Variants in CERT1 observed in about 807,000 individuals in gnomAD.
The protein encoded by CERT1 is ceramide transporter 1.
A neutral mutation model predicts 87.9 loss-of-function variants in CERT1; 31 were observed. That is an observed-to-expected ratio of 0.35 (90% CI 0.27 to 0.48). CERT1 has a LOEUF of 0.48. CERT1 is among the 20% of genes least tolerant of loss of function. The pLI, the probability that CERT1 is intolerant of heterozygous loss-of-function variation, is 0.99. For missense variants in CERT1, 487 were observed against 758.0 expected (o/e 0.64, Z 4.20); for synonymous variants, 289 against 250.9 (o/e 1.15, Z -1.44).
At chr5:75,423,601 T>C (rs1447019123) in intron 5 of CERT1, among the ~76,000 whole-genome samples, 1 of 152,040 alleles carries the variant, frequency 6.6e-6, no homozygotes, top group Admixed American at 6.6e-5. Context: ...ATTAACCAGA[T>C]ATGACGGTGT....
At chr5:75,463,616 GGT>G (rs1351313330) in intron 2 of CERT1, among the ~76,000 whole-genome samples, 1 of 152,206 alleles carries the variant, frequency 6.6e-6, no homozygotes, top group Non-Finnish European at 1.5e-5. Context: ...GTTGGAATGT[GGT>G]AAATGACTTA....
intron 2 of CERT1, among the ~76,000 whole-genome samples, chr5:75,471,602 T>C (rs1233101055): frequency 6.6e-6 from 1 of 150,944 alleles, no homozygotes; most frequent in Non-Finnish European, 1.5e-5. Context: ...CTACTGAAAA[T>C]AAAAATATTA....
chr5:75,379,941 T>C (rs1429402220), intron 16 of CERT1, among the ~76,000 whole-genome samples: 3 of 152,146 alleles, frequency 2.0e-5, no homozygotes, highest in Non-Finnish European at 4.4e-5. Flanking sequence ...CCATCAGACA[T>C]AATCAGACAG....
intron 17 of CERT1, chr5:75,370,089 C>T (rs1277763993): frequency 6.6e-6 from 1 of 152,168 alleles, no homozygotes; most frequent in Non-Finnish European, 1.5e-5. Flanking sequence ...TAAAAGTGCC[C>T]TAGAAAATCC....
At chr5:75,498,587 C>T (rs1193155881) in intron 2 of CERT1, among the ~76,000 whole-genome samples, 1 of 152,242 alleles carries the variant, frequency 6.6e-6, no homozygotes, top group Non-Finnish European at 1.5e-5. Flanking sequence ...GCCTTGGCGG[C>T]TTTCCCACGG....
chr5:75,419,917 G>A (rs1185510240), intron 5 of CERT1, among the ~76,000 whole-genome samples: 1 of 151,882 alleles, frequency 6.6e-6, no homozygotes, highest in Non-Finnish European at 1.5e-5. Context: ...CAGAAGGGCT[G>A]AACAGGACTA....
chr5:75,455,222 T>C lies in CERT1; in HGVS notation c.348+3843A>G, dbSNP rs554880395. Among the ~76,000 whole-genome samples, 23 of 152,310 alleles carry C rather than the reference T, an allele frequency of 1.5e-4. No individual in the cohort carries two copies. The East Asian group carries it at 4.4e-3, about 29-fold the overall frequency. On this transcript the variant is annotated intron_variant, in intron 3 of 16. Transcript: ENST00000643780. ...CCAATGTTTCAAAAGTTGAACAAAC[T>C]GGGCTACAAAGTTTTGCCTCATCCG...
rs372237093 is a variant in CERT1 at position 75,507,359 on chromosome 5, C to T, written c.97-1243G>A. ...CTCCTGGGCTCAAGCGATCTGTCTT[C>T]CTTGGTCTCCCAAAGTGCTGGGACT... On this transcript the variant is annotated intron_variant, in intron 1 of 16. Transcript: ENST00000643780. Among the ~76,000 whole-genome samples the T allele has an allele frequency of 1.4e-3, 208 of 152,278 alleles. 1 individual carries two copies. The highest frequency in any genetic ancestry group is 7.0e-3 in the South Asian group (34 of 4,828).
At chr5:75,472,529 A>G (rs1374189045) in intron 2 of CERT1, among the ~76,000 whole-genome samples, 1 of 152,218 alleles carries the variant, frequency 6.6e-6, no homozygotes, top group Non-Finnish European at 1.5e-5. Context: ...TATCTCTGAT[A>G]AGGGATTAAT....
At chr5:75,453,094 A>C (rs1254369369) in intron 3 of CERT1, among the ~76,000 whole-genome samples, 3 of 152,156 alleles carry the variant, frequency 2.0e-5, no homozygotes. Flanking sequence ...AGAATATTTA[A>C]ATCATACAGT....
At position 75,385,968 on chromosome 5, in the gene CERT1, T is replaced by C; in HGVS notation, c.1351A>G (p.Lys451Glu). The change falls in exon 13 of 17, where the codon AAA becomes GAA. Residue 451 changes from lysine (K) to glutamate (E), a missense_variant. Around this residue, in one of 8 missense-constraint regions of CERT1, gnomAD observed 147 missense variants for 200.8 expected, o/e 0.73. Coordinates refer to ENST00000643780, the MANE Select transcript of CERT1 (RefSeq NM_001379029.1). ...CAGACTTCATGTCCTGTGACGCCTT[T>C]AACTGCATGGGTAGCTTTTAAAGGA... ...LDPLKATHAV[K>E]GVTGHEVCNY... 6.3e-7 allele frequency: 1 copy of C among 1,598,156 alleles called. No individual in the cohort carries two copies. Among genetic ancestry groups the C allele is most frequent in the East Asian group, 2.3e-5 (1 of 44,058 alleles).
intron 3 of CERT1, among the ~76,000 whole-genome samples, chr5:75,456,072 A>T (rs546011301): frequency 1.3e-5 from 2 of 152,300 alleles, no homozygotes; most frequent in African/African-American, 4.8e-5. Context: ...TAAAATTACT[A>T]AACTTAGCTT....
chr5:75,442,933 C>A (rs1016919915), intron 3 of CERT1, among the ~76,000 whole-genome samples: 1 of 152,018 alleles, frequency 6.6e-6, no homozygotes, highest in African/African-American at 2.4e-5. Flanking sequence ...TAAACTTTAT[C>A]GTAAGTATGT....
chr5:75,415,539 A>C (rs1157161825), intron 7 of CERT1, among the ~76,000 whole-genome samples: 1 of 152,230 alleles, frequency 6.6e-6, no homozygotes, highest in Non-Finnish European at 1.5e-5. Context: ...GAATGCTAAA[A>C]TAATCAGGAA....
chr5:75,503,079 C>T (rs902853008), intron 2 of CERT1, among the ~76,000 whole-genome samples: 1 of 151,996 alleles, frequency 6.6e-6, no homozygotes, highest in African/African-American at 2.4e-5. Context: ...TTATTTCACC[C>T]ACTTTATTAT....
chr5:75,395,555 CAAAAAAAA>C (rs35109034), intron 11 of CERT1, among the ~76,000 whole-genome samples: 21 of 48,008 alleles, frequency 4.4e-4, no homozygotes, highest in Admixed American at 7.8e-4. Context: ...TGTCTCTTTA[CAAAAAAAA>C]AAAAAAAAAA....
intron 2 of CERT1, among the ~76,000 whole-genome samples, chr5:75,467,095 A>T (rs923851044): frequency 6.6e-6 from 1 of 152,166 alleles, no homozygotes; most frequent in African/African-American, 2.4e-5. Flanking sequence ...GAATGCCTAA[A>T]CTGTGGTACA....
chr5:75,478,753 T>C (rs1766085978), intron 2 of CERT1, among the ~76,000 whole-genome samples: 1 of 151,810 alleles, frequency 6.6e-6, no homozygotes, highest in African/African-American at 2.4e-5. Flanking sequence ...AGGCAAAGCC[T>C]ATATTGAGTA....
At chr5:75,382,118 T>A (rs377033228) in intron 14 of CERT1, 41 bp from the exon 15 acceptor site, 33 of 1,589,842 alleles carry the variant, frequency 2.1e-5, no homozygotes, top group Non-Finnish European at 2.5e-5. Context: ...AGATCTAACA[T>A]GGAACTAACA....
Sources: gnomAD v4.1 joint callset for allele counts (sites outside exome capture counted in the v4.1 genomes callset) on GRCh38, gnomAD v4.1.1 for gene constraint, gnomAD v4.1.1 regional missense constraint, MANE v1.5 for transcripts, NCBI Gene and HGNC (gene_info 2026-07-23, HGNC 2026-07-21) for gene names.